Variants in SPDYE3 observed in about 807,000 individuals in gnomAD.
The protein encoded by SPDYE3 is speedy protein E3.
A neutral mutation model predicts 55.0 loss-of-function variants in SPDYE3; 15 were observed. That is an observed-to-expected ratio of 0.27 (90% CI 0.18 to 0.42). The LOEUF (loss-of-function observed/expected upper bound fraction) is 0.42, where lower values mean the gene tolerates loss of function less well. SPDYE3 is among the 10% of genes least tolerant of loss of function. SPDYE3 has a pLI of 1.00. For synonymous variants in SPDYE3, 89 were observed against 229.9 expected (o/e 0.39, Z 5.55); for missense variants, 236 against 576.7 (o/e 0.41, Z 6.05).
chr7:100,308,619 G>A (rs1584995354), intron 1 of SPDYE3, among the ~76,000 whole-genome samples: 1 of 151,752 alleles, frequency 6.6e-6, no homozygotes, highest in Admixed American at 6.6e-5. Flanking sequence ...TGAGGCAGGA[G>A]AATAACTGGA....
intron 10 of SPDYE3, 173 bp downstream of exon 10, chr7:100,320,208 C>G: frequency 7.4e-7 from 1 of 1,345,206 alleles, no homozygotes; most frequent in Non-Finnish European, 9.9e-7. Flanking sequence ...CTCCCAACTA[C>G]TCAAGAGGCT....
At chr7:100,316,381 C>T (rs1269417239) in intron 7 of SPDYE3, among the ~76,000 whole-genome samples, 1 of 152,186 alleles carries the variant, frequency 6.6e-6, no homozygotes, top group Non-Finnish European at 1.5e-5. Context: ...ACTCTAATTC[C>T]TGGGCTCAAG....
Position 100,309,685 on chromosome 7 carries a change from C to T in SPDYE3, c.325+493C>T, listed in dbSNP as rs1322575996. Among the ~76,000 whole-genome samples the T allele has an allele frequency of 1.7e-4, 20 of 117,908 alleles. No homozygotes were observed. In the East Asian group the frequency reaches 4.5e-3, roughly 26 times the overall value. The allele number at this position is 117,908 out of a possible 152,430, so 77.4% of individuals were successfully genotyped here. A position where few individuals can be genotyped will look rare whatever the true frequency, so the allele number is the denominator to read the frequency against. Reference sequence around the variant, plus strand: ...GCAGTGAGCCGAGATCGTGCTACTGCACTCCAGTCTGGGTGAGAGAGTGAG... The same window carrying T: ...GCAGTGAGCCGAGATCGTGCTACTGTACTCCAGTCTGGGTGAGAGAGTGAG... On this transcript the variant is annotated intron_variant, in intron 2 of 10. Coordinates refer to ENST00000332397, the MANE Select transcript of SPDYE3 (RefSeq NM_001004351.5).
Position 100,307,961 on chromosome 7 carries a change from G to T in SPDYE3, c.76G>T (p.Val26Leu). Residue 26 changes from valine (V) to leucine (L), a missense_variant, in exon 1 of 11, where the codon GTG becomes TTG. Coordinates refer to ENST00000332397, the MANE Select transcript of SPDYE3 (RefSeq NM_001004351.5). ...CACCTCAGGGTACCCCCTCCAGGAG[G>T]TGGTGGATGATGAAGTGTCGGGACC... ...RSTSGYPLQE[V>L]VDDEVSGPSA... The T allele has an allele frequency of 1.3e-6, 2 of 1,565,786 alleles. No homozygotes were observed. The highest frequency in any genetic ancestry group is 1.3e-5 in the African/African-American group (1 of 74,272).
Position 100,315,938 on chromosome 7 carries a change from C to T in SPDYE3, c.1260+95C>T, listed in dbSNP as rs560631049. 1.2e-5 allele frequency: 18 copies of T among 1,564,050 alleles called. No individual in the cohort carries two copies. In the South Asian group the frequency reaches 1.9e-4, roughly 16 times the overall value. On this transcript the variant is annotated intron_variant, in intron 7 of 10. Transcript: ENST00000332397. ...ACCCACAGTTCTCCCTCCACCACCT[C>T]CCACCAGATGCTCCTACAGTTTTTT...
intron 4 of SPDYE3, among the ~76,000 whole-genome samples, chr7:100,312,384 C>G (rs1461889555): frequency 2.0e-5 from 3 of 147,560 alleles, no homozygotes; most frequent in African/African-American, 7.7e-5. Flanking sequence ...GTAGTTCCAG[C>G]TACTCGGGAG....
intron 10 of SPDYE3, chr7:100,320,415 A>T (rs1248556139): frequency 9.4e-7 from 1 of 1,068,158 alleles, no homozygotes; most frequent in Admixed American, 4.3e-5. Flanking sequence ...TTTGGTTTAC[A>T]TCTTGTGCAG....
chr7:100,307,975 AGT>A lies in SPDYE3; in HGVS notation c.93_94del (p.Ser32GlyfsTer14). 1 of 1,558,498 alleles carries A rather than the reference AGT, an allele frequency of 6.4e-7. No individual in the cohort carries two copies. Among genetic ancestry groups the A allele is most frequent in the Non-Finnish European group, 8.6e-7 (1 of 1,160,164 alleles). On this transcript the variant is annotated frameshift_variant, in exon 1 of 11. Transcript: ENST00000332397. LOFTEE classifies it high-confidence loss of function. ...YPLQEVVDDE[V>X]SGPSAPGVDP... ...CCCTCCAGGAGGTGGTGGATGATGA[AGT>A]GTCGGGACCATCAGGTGAGGGGACT...
chr7:100,309,490 T>G (rs892596216), intron 2 of SPDYE3, among the ~76,000 whole-genome samples: 1 of 138,732 alleles, frequency 7.2e-6, no homozygotes, highest in Non-Finnish European at 1.6e-5. Flanking sequence ...AACTCAGGAC[T>G]TCGAGGCTGC....
intron 8 of SPDYE3, 32 bp from the exon 9 acceptor site, chr7:100,319,533 C>A (rs1284832638): frequency 6.2e-7 from 1 of 1,613,836 alleles, no homozygotes; most frequent in East Asian, 2.2e-5. Context: ...CCTGGTGGTG[C>A]CCCTGAGCAG....
In SPDYE3 at chr7:100,309,135, C is replaced by G. The variant is rs940441220; in HGVS notation, c.268C>G (p.Arg90Gly). 2 of 505,176 alleles carry G rather than the reference C, an allele frequency of 4.0e-6. No homozygotes were observed. 31.3% of individuals were successfully genotyped at this position (505,176 alleles called of 1,614,324 possible). The change falls in exon 2 of 11, where the codon CGA becomes GGA. Residue 90 changes from arginine to glycine, a missense_variant. Arg to Gly is a moderately radical substitution (Grantham distance 125). Coordinates refer to ENST00000332397, the MANE Select transcript of SPDYE3 (RefSeq NM_001004351.5). ...TLCGLKMKAK[R>G]RRVSLVLPEY... ...GTGTGGCCTCAAGATGAAGGCGAAG[C>G]GACGGCGAGTGTCGCTCGTGCTCCC...
chr7:100,314,988 C>T (rs990707841), intron 6 of SPDYE3, among the ~76,000 whole-genome samples: 4 of 146,120 alleles, frequency 2.7e-5, no homozygotes, highest in East Asian at 3.9e-4. Context: ...CGCTGTGGCT[C>T]CCGCCTGAGA....
Position 100,321,017 on chromosome 7 carries a change from C to T in SPDYE3, c.*172C>T. 1.7e-6 allele frequency: 2 copies of T among 1,179,624 alleles called. No homozygotes were observed. The highest frequency in any genetic ancestry group is 2.3e-6 in the Non-Finnish European group (2 of 865,848). The allele number at this position is 1,179,624 out of a possible 1,614,324, so 73.1% of individuals were successfully genotyped here. A position where few individuals can be genotyped will look rare whatever the true frequency, so the allele number is the denominator to read the frequency against. On this transcript the variant is annotated 3_prime_UTR_variant, in exon 11 of 11. Transcript: ENST00000332397. ...CTAGAAGAACCTGGACCATTCTTGA[C>T]AGAGCTGAATACAGTGATCACGTTG...
chr7:100,318,586 G>A (rs1789497674), intron 8 of SPDYE3, among the ~76,000 whole-genome samples: 1 of 152,128 alleles, frequency 6.6e-6, no homozygotes, highest in Non-Finnish European at 1.5e-5. Flanking sequence ...TCCAACTTCT[G>A]CATGCCCGTA....
At position 100,315,768 on chromosome 7, in the gene SPDYE3, C is replaced by A. The variant is rs771490495; in HGVS notation, c.1202-17C>A. ...CCTGTCCTGCTTCTCACGCTGACAT[C>A]TGCTCTCTAATCACAGAGGATCCTG... On this transcript the variant is annotated splice_polypyrimidine_tract_variant and intron_variant, in intron 6 of 10. Transcript: ENST00000332397. The A allele has an allele frequency of 1.4e-5, 22 of 1,598,346 alleles. No homozygotes were observed. In the East Asian group the frequency reaches 4.9e-4, roughly 36 times the overall value.
chr7:100,317,448 T>C (rs1230043820), intron 8 of SPDYE3, among the ~76,000 whole-genome samples: 2 of 151,426 alleles, frequency 1.3e-5, no homozygotes, highest in African/African-American at 2.4e-5. Context: ...CTACTAAAAA[T>C]AGAAAAATCA....
chr7:100,320,343 G>A (rs1046615211), intron 10 of SPDYE3: 81 of 1,064,928 alleles, frequency 7.6e-5, no homozygotes, highest in South Asian at 1.2e-4. Context: ...TACTGAGTTC[G>A]GGGAGGTTCT....
chr7:100,318,544 C>T (rs1398818146), intron 8 of SPDYE3, among the ~76,000 whole-genome samples: 1 of 152,146 alleles, frequency 6.6e-6, no homozygotes, highest in African/African-American at 2.4e-5. Flanking sequence ...AGTCGGTTCA[C>T]CCCACAGCCT....
intron 8 of SPDYE3, among the ~76,000 whole-genome samples, chr7:100,318,300 A>C (rs1789481108): frequency 6.6e-6 from 1 of 151,986 alleles, no homozygotes; most frequent in Admixed American, 6.6e-5. Context: ...CGACAACCTC[A>C]CTGCCCACCT....
Sources: allele counts gnomAD v4.1 joint callset (sites outside exome capture counted in the v4.1 genomes callset), GRCh38; gene constraint gnomAD v4.1.1; transcripts MANE v1.5; gene names NCBI Gene and HGNC (gene_info 2026-07-23, HGNC 2026-07-21).